Variants in ERBB4 observed in about 807,000 individuals in gnomAD.
The protein encoded by ERBB4 is receptor tyrosine-protein kinase erbB-4.
ERBB4 carries 42 observed loss-of-function variants against 158.0 expected under a neutral mutation model. The ratio of observed to expected loss-of-function variants is 0.27; its 90% CI spans 0.21 to 0.34. The LOEUF (loss-of-function observed/expected upper bound fraction) is 0.34. Ranked by LOEUF, ERBB4 falls within the 10% of genes least tolerant of loss-of-function variation. The pLI is 1.00. For missense variants in ERBB4, 1,333 were observed against 1,624.1 expected (o/e 0.82, Z 3.08); for synonymous variants, 583 against 558.7 (o/e 1.04, Z -0.61).
At chr2:212,160,040 G>A (rs1384874867) in intron 1 of ERBB4, among the ~76,000 whole-genome samples, 1 of 151,958 alleles carries the variant, frequency 6.6e-6, no homozygotes, top group Non-Finnish European at 1.5e-5. Flanking sequence ...CAAATGCGTT[G>A]TCTTCAAACT....
chr2:212,304,944 GTGTGTGTGTGT>G (rs1479914802), intron 1 of ERBB4, among the ~76,000 whole-genome samples: 1 of 150,350 alleles, frequency 6.7e-6, no homozygotes, highest in Non-Finnish European at 1.5e-5. Flanking sequence ...GTACATGTCT[GTGTGTGTGTGT>G]ATATATATAT....
intron 2 of ERBB4, among the ~76,000 whole-genome samples, chr2:212,003,229 GAA>G (rs1309338023): frequency 8.4e-6 from 1 of 118,376 alleles, no homozygotes; most frequent in Non-Finnish European, 2.0e-5. Flanking sequence ...AGGAAGGAAG[GAA>G]GGAAGGAAGG....
chr2:211,577,376 T>TA (rs1235584646), intron 19 of ERBB4, among the ~76,000 whole-genome samples: 1 of 152,056 alleles, frequency 6.6e-6, no homozygotes, highest in African/African-American at 2.4e-5. Context: ...CTCTTTTTTT[T>TA]ACCCTCCCAT....
chr2:211,465,204 A>G (rs536352950), intron 20 of ERBB4, among the ~76,000 whole-genome samples: 1 of 152,024 alleles, frequency 6.6e-6, no homozygotes, highest in East Asian at 1.9e-4. Flanking sequence ...TAGACTACCC[A>G]CCAAGGAAAA....
At chr2:212,161,216 C>A (rs950896507) in intron 1 of ERBB4, among the ~76,000 whole-genome samples, 1 of 151,878 alleles carries the variant, frequency 6.6e-6, no homozygotes, top group Non-Finnish European at 1.5e-5. Flanking sequence ...TGTACAGTCT[C>A]TTTCACTCAT....
intron 2 of ERBB4, among the ~76,000 whole-genome samples, chr2:211,979,330 C>CAA (rs2081724208): frequency 6.6e-6 from 1 of 152,094 alleles, no homozygotes; most frequent in Non-Finnish European, 1.5e-5. Context: ...CAAAAATGAG[C>CAA]AAATTGCCTA....
chr2:212,434,306 G>T (rs550829846), intron 1 of ERBB4, among the ~76,000 whole-genome samples: 21 of 152,030 alleles, frequency 1.4e-4, no homozygotes, highest in African/African-American at 4.8e-4. Context: ...TTACAGAGCT[G>T]CTAGAAAGCC....
chr2:212,255,604 G>A (rs2084699684), intron 1 of ERBB4, among the ~76,000 whole-genome samples: 2 of 152,066 alleles, frequency 1.3e-5, no homozygotes, highest in Non-Finnish European at 2.9e-5. Context: ...TTTGGTGTGT[G>A]TGTGTTTTTT....
intron 1 of ERBB4, among the ~76,000 whole-genome samples, chr2:212,453,330 AG>A (rs1334104424): frequency 2.6e-5 from 4 of 152,220 alleles, no homozygotes; most frequent in African/African-American, 9.7e-5. Flanking sequence ...AGATGCTCAA[AG>A]GCAGACAGAA....
intron 14 of ERBB4, among the ~76,000 whole-genome samples, chr2:211,665,824 C>T (rs1451225928): frequency 1.3e-5 from 2 of 152,174 alleles, no homozygotes; most frequent in Non-Finnish European, 2.9e-5. Context: ...TGTCCAATGA[C>T]TTTCTCAAAA....
chr2:211,792,502 G>A (rs1347003189), intron 3 of ERBB4, among the ~76,000 whole-genome samples: 1 of 151,562 alleles, frequency 6.6e-6, no homozygotes, highest in Non-Finnish European at 1.5e-5. Flanking sequence ...ATATTTATAA[G>A]GCATTTTTAC....
chr2:212,078,134 C>A (rs1224809042), intron 2 of ERBB4, among the ~76,000 whole-genome samples: 1 of 151,984 alleles, frequency 6.6e-6, no homozygotes, highest in African/African-American at 2.4e-5. Flanking sequence ...AAATTTATTG[C>A]AATTATACTA....
intron 20 of ERBB4, among the ~76,000 whole-genome samples, chr2:211,549,888 T>C (rs12470849): frequency 0.22 from 34,107 of 151,920 alleles, 4,742 homozygotes; most frequent in African/African-American, 0.4. Context: ...CTCAGCACTT[T>C]GTGTGCCTCT....
At chr2:211,778,243 T>C (rs58220751) in intron 4 of ERBB4, 37,899 of 152,040 alleles carry the variant, frequency 0.25, 5,693 homozygotes, top group East Asian at 0.53. Flanking sequence ...AGCCATTTTA[T>C]ACCCCCGCCG....
chr2:212,378,236 C>G (rs924902447), intron 1 of ERBB4, among the ~76,000 whole-genome samples: 6 of 151,886 alleles, frequency 4.0e-5, no homozygotes, highest in African/African-American at 1.4e-4. Context: ...CTCTCTCTCT[C>G]TGAGGAAGAC....
intron 3 of ERBB4, among the ~76,000 whole-genome samples, chr2:211,870,232 T>C (rs2078310144): frequency 6.6e-6 from 1 of 152,174 alleles, no homozygotes; most frequent in Non-Finnish European, 1.5e-5. Flanking sequence ...CCCTGCCAAT[T>C]ATCTGTAAAA....
rs55763428 is a variant in ERBB4 at position 211,948,436 on chromosome 2, C to CA, written c.235-821dup. On this transcript the variant is annotated intron_variant, in intron 2 of 27. Coordinates refer to ENST00000342788, the MANE Select transcript of ERBB4 (RefSeq NM_005235.3). ...GGCGACAGAGTGAGACTCTGTCTCA[C>CA]AAAAAAAAAAAAAAAAAAAAAAAAA... 4.7e-3 allele frequency among the ~76,000 whole-genome samples: 384 copies of CA among 81,352 alleles called. 19 individuals are homozygous for CA. Among genetic ancestry groups the CA allele is most frequent in the African/African-American group, 8.6e-3 (174 of 20,322 alleles). 53.4% of individuals were successfully genotyped at this position (81,352 alleles called of 152,430 possible).
chr2:212,264,303 G>A (rs749529031), intron 1 of ERBB4, among the ~76,000 whole-genome samples: 12 of 151,940 alleles, frequency 7.9e-5, no homozygotes, highest in Non-Finnish European at 1.3e-4. Flanking sequence ...ATATTTAACC[G>A]TGCTGGTGGA....
At chr2:212,176,040 C>A (rs1299464058) in intron 1 of ERBB4, among the ~76,000 whole-genome samples, 1 of 151,972 alleles carries the variant, frequency 6.6e-6, no homozygotes, top group Non-Finnish European at 1.5e-5. Context: ...CACTTCATTT[C>A]CCTACTTAAA....
Sources: allele counts gnomAD v4.1 joint callset (sites outside exome capture counted in the v4.1 genomes callset), GRCh38; gene constraint gnomAD v4.1.1; transcripts MANE v1.5; gene names NCBI Gene and HGNC (gene_info 2026-07-23, HGNC 2026-07-21).